The following SCFD2 variants were observed in gnomAD, a reference collection of about 807,000 sequenced individuals.
SCFD2 encodes the protein sec1 family domain containing 2, also known as sec1 family domain-containing protein 2.
SCFD2 carries 54 observed loss-of-function variants against 58.9 expected under a neutral mutation model. The observed-to-expected ratio is 0.92, with a 90% CI of 0.74 to 1.15. SCFD2 has a LOEUF of 1.15. Among genes scored for constraint, SCFD2 ranks in the 50% most tolerant of loss-of-function variants. The pLI is 0.00. For synonymous variants in SCFD2, 321 were observed against 335.9 expected, an observed-to-expected ratio of 0.96 and a Z score of 0.49; for missense variants, 805 against 836.6, an observed-to-expected ratio of 0.96 and a Z score of 0.47.
chr4:53,255,742 G>C (rs1425242256), intron 4 of SCFD2, among the ~76,000 whole-genome samples: 1 of 152,134 alleles, frequency 6.6e-6, no homozygotes, highest in Non-Finnish European at 1.5e-5. Context: ...CCTCCCAGAC[G>C]GGGTGGTGGC....
At chr4:53,041,077 CTTAAGCAGCATATCCGTGCCA>C (rs1722886991) in intron 5 of SCFD2, among the ~76,000 whole-genome samples, 1 of 152,132 alleles carries the variant, frequency 6.6e-6, no homozygotes, top group South Asian at 2.1e-4. Flanking sequence ...TTATGTGATC[CTTAAGCAGCATATCCGTGCCA>C]TATGGGCAGA....
chr4:52,896,064 C>T (rs1445585745), intron 7 of SCFD2, among the ~76,000 whole-genome samples: 2 of 151,836 alleles, frequency 1.3e-5, no homozygotes, highest in Non-Finnish European at 2.9e-5. Context: ...GGATATTAGC[C>T]CTTTGTCAGA....
chr4:53,330,356 T>A (rs1242148547), intron 2 of SCFD2, among the ~76,000 whole-genome samples: 1 of 151,786 alleles, frequency 6.6e-6, no homozygotes, highest in Non-Finnish European at 1.5e-5. Context: ...AAAGGTCGGG[T>A]TACCCTCAAA....
intron 7 of SCFD2, among the ~76,000 whole-genome samples, chr4:52,889,489 C>T (rs1456612175): frequency 6.6e-6 from 1 of 152,188 alleles, no homozygotes; most frequent in Non-Finnish European, 1.5e-5. Flanking sequence ...GGATAAAGTT[C>T]GAACTCTGTA....
At chr4:53,237,997 CA>C (rs2149018583) in intron 4 of SCFD2, among the ~76,000 whole-genome samples, 1 of 130,714 alleles carries the variant, frequency 7.7e-6, no homozygotes, top group African/African-American at 2.9e-5. Flanking sequence ...GCTGGCCGGG[CA>C]GGGGGCTGAT....
chr4:53,152,942 G>A (rs1726556145), intron 4 of SCFD2, among the ~76,000 whole-genome samples: 1 of 152,202 alleles, frequency 6.6e-6, no homozygotes, highest in Admixed American at 6.5e-5. Flanking sequence ...CACATCCTGG[G>A]CACACTGGTG....
intron 5 of SCFD2, among the ~76,000 whole-genome samples, chr4:52,970,594 G>T (rs1339806299): frequency 1.3e-5 from 2 of 152,232 alleles, no homozygotes; most frequent in Admixed American, 6.5e-5. Flanking sequence ...CCTGGGGGCA[G>T]GGAGTAGCCA....
At chr4:53,196,071 G>A (rs1728048128) in intron 4 of SCFD2, among the ~76,000 whole-genome samples, 1 of 152,098 alleles carries the variant, frequency 6.6e-6, no homozygotes, top group African/African-American at 2.4e-5. Context: ...TAGATCAGGA[G>A]GTGACAGAAA....
chr4:53,332,460 T>C (rs1199667412), intron 2 of SCFD2, among the ~76,000 whole-genome samples: 6 of 152,160 alleles, frequency 3.9e-5, no homozygotes, highest in South Asian at 4.1e-4. Context: ...AATCAATAAA[T>C]GTAATCCAGC....
chr4:52,943,300 C>T (rs964138191), intron 5 of SCFD2, among the ~76,000 whole-genome samples: 8 of 152,054 alleles, frequency 5.3e-5, no homozygotes, highest in Admixed American at 2.0e-4. Context: ...TAAGCTTATG[C>T]TAGGTATATG....
At chr4:53,208,343 G>A (rs922720659) in intron 4 of SCFD2, among the ~76,000 whole-genome samples, 5 of 152,018 alleles carry the variant, frequency 3.3e-5, no homozygotes, top group Admixed American at 6.5e-5. Context: ...TTTATTGAGC[G>A]AAGTAACAAT....
chr4:52,951,404 C>G (rs533079725), intron 5 of SCFD2, among the ~76,000 whole-genome samples: 1 of 152,098 alleles, frequency 6.6e-6, no homozygotes, highest in African/African-American at 2.4e-5. Flanking sequence ...TGTCTAAGAG[C>G]ACAGAAGAAG....
At chr4:52,995,677 G>A (rs1303527821) in intron 5 of SCFD2, among the ~76,000 whole-genome samples, 1 of 152,176 alleles carries the variant, frequency 6.6e-6, no homozygotes, top group Admixed American at 6.5e-5. Context: ...CTACTTTGAG[G>A]AACTAAAACC....
At chr4:53,212,602 G>GTGTGTGTGTGTGTGTT (rs57906429) in intron 4 of SCFD2, among the ~76,000 whole-genome samples, 5,612 of 150,418 alleles carry the variant, frequency 0.037, 153 homozygotes, top group South Asian at 0.099. Context: ...GTGTGTGTGT[G>GTGTGTGTGTGTGTGTT]TGTGTGCATG....
At chr4:53,020,816 C>A (rs1359989933) in intron 5 of SCFD2, among the ~76,000 whole-genome samples, 3 of 152,144 alleles carry the variant, frequency 2.0e-5, no homozygotes, top group African/African-American at 7.2e-5. Flanking sequence ...AGCTAGGGTG[C>A]CTAGGCTGTG....
chr4:53,050,377 G>C (rs1437075066), intron 5 of SCFD2, among the ~76,000 whole-genome samples: 2 of 152,162 alleles, frequency 1.3e-5, no homozygotes, highest in East Asian at 3.9e-4. Context: ...CTAAATAGCT[G>C]TCGTGATTAA....
chr4:53,118,423 A>C (rs1021749239), intron 5 of SCFD2, among the ~76,000 whole-genome samples: 2 of 152,230 alleles, frequency 1.3e-5, no homozygotes, highest in Admixed American at 6.5e-5. Context: ...GTGGTCAATA[A>C]AATTTGAAAT....
At chr4:53,298,441 G>A (rs544094656) in intron 3 of SCFD2, among the ~76,000 whole-genome samples, 16 of 152,178 alleles carry the variant, frequency 1.1e-4, no homozygotes, top group East Asian at 1.9e-4. Context: ...TAAACAAAGC[G>A]GCCAGGAAGC....
At chr4:53,130,361 A>T (rs1230835014) in intron 5 of SCFD2, among the ~76,000 whole-genome samples, 1 of 152,204 alleles carries the variant, frequency 6.6e-6, no homozygotes, top group Non-Finnish European at 1.5e-5. Context: ...TAAAATATCA[A>T]ACTCACTGTG....
Sources: allele counts gnomAD v4.1 joint callset (sites outside exome capture counted in the v4.1 genomes callset), GRCh38; gene constraint gnomAD v4.1.1; transcripts MANE v1.5; gene names NCBI Gene and HGNC (gene_info 2026-07-23, HGNC 2026-07-21).